Variants in GRID2 observed in about 807,000 individuals in gnomAD.
GRID2 encodes the protein glutamate ionotropic receptor delta type subunit 2.
GRID2 carries 33 observed loss-of-function variants against 114.8 expected under a neutral mutation model. The observed-to-expected ratio is 0.29, with a 90% CI of 0.22 to 0.38. The LOEUF is 0.38. Ranked by LOEUF, GRID2 falls within the 10% of genes least tolerant of loss-of-function variation. GRID2 has a pLI of 1.00. For synonymous variants in GRID2, 505 were observed against 449.9 expected (o/e 1.12, Z -1.55); for missense variants, 1,184 against 1,257.7 (o/e 0.94, Z 0.89).
At chr4:93,060,796 A>G (rs1159696055) in intron 2 of GRID2, among the ~76,000 whole-genome samples, 1 of 152,130 alleles carries the variant, frequency 6.6e-6, no homozygotes, top group Non-Finnish European at 1.5e-5. Flanking sequence ...ATGTTATGCA[A>G]CAGGTGAAAT....
chr4:93,135,581 T>C (rs902333819), intron 4 of GRID2, among the ~76,000 whole-genome samples: 4 of 152,172 alleles, frequency 2.6e-5, no homozygotes, highest in African/African-American at 4.8e-5. Flanking sequence ...TGCTTTCTAG[T>C]TGAAAATTAA....
intron 11 of GRID2, among the ~76,000 whole-genome samples, chr4:93,457,903 T>TTACTAATG (rs570814542): frequency 1.4e-4 from 21 of 152,314 alleles, no homozygotes; most frequent in Admixed American, 1.4e-3. Flanking sequence ...CAAAAGAGTA[T>TTACTAATG]TACTAATGTG....
chr4:93,764,931 A>C (rs1733517256), intron 14 of GRID2, among the ~76,000 whole-genome samples: 1 of 152,132 alleles, frequency 6.6e-6, no homozygotes, highest in Admixed American at 6.5e-5. Context: ...ATTGTCATAC[A>C]TACGCGCACA....
Position 93,726,962 on chromosome 4 carries a change from G to T in GRID2, c.2361-42248G>T, listed in dbSNP as rs184939833. On this transcript the variant is annotated intron_variant, in intron 14 of 15. Transcript: ENST00000282020. The stretch of plus-strand genomic sequence containing the variant: ...ACAATTTGACTTCCTCTTTTCCTAA[G>T]TGAATACCCCTTATTTCCTTCTCCT... Among the ~76,000 whole-genome samples the T allele has an allele frequency of 1.6e-3, 238 of 152,212 alleles. 4 individuals carry two copies. The South Asian group carries it at 0.045, about 29-fold the overall frequency.
At chr4:92,331,000 CT>C (rs1560571208) in intron 1 of GRID2, among the ~76,000 whole-genome samples, 1 of 152,094 alleles carries the variant, frequency 6.6e-6, no homozygotes, top group Non-Finnish European at 1.5e-5. Flanking sequence ...AATTACTACT[CT>C]GTTCAAGGCC....
Position 92,638,279 on chromosome 4 carries a change from A to T in GRID2, c.244+47993A>T, listed in dbSNP as rs78395502. On this transcript the variant is annotated intron_variant, in intron 2 of 15. Coordinates refer to ENST00000282020, the MANE Select transcript of GRID2 (RefSeq NM_001510.4). ...CATGCTAACTCAGTGTAGAAGAGCC[A>T]GAGAACAAACTCTGTAACCAGAAAC... 1.9e-3 allele frequency among the ~76,000 whole-genome samples: 281 copies of T among 151,770 alleles called. 5 individuals carry two copies. In the East Asian group the frequency reaches 0.034, roughly 18 times the overall value.
At chr4:93,008,345 A>T (rs1341651957) in intron 2 of GRID2, among the ~76,000 whole-genome samples, 1 of 152,140 alleles carries the variant, frequency 6.6e-6, no homozygotes, top group Non-Finnish European at 1.5e-5. Flanking sequence ...AACTCTGCTG[A>T]AACAGTATGG....
At position 92,304,337 on chromosome 4, in the gene GRID2, G is replaced by A; in HGVS notation, c.-320G>A. The A allele has an allele frequency of 2.7e-6, 1 of 373,656 alleles. No individual in the cohort carries two copies. Among genetic ancestry groups the A allele is most frequent in the South Asian group, 2.4e-5 (1 of 41,752 alleles). 23.1% of individuals were successfully genotyped at this position (373,656 alleles called of 1,614,324 possible). ...CCGCGCAGCGATGGGTCTGATCTGA[G>A]CCCCAGCCTCTCCCCCTGCCCAAGA... On this transcript the variant is annotated 5_prime_UTR_variant, in exon 1 of 16. Coordinates refer to ENST00000282020, the MANE Select transcript of GRID2 (RefSeq NM_001510.4).
At chr4:93,703,438 T>C (rs1178789555) in intron 14 of GRID2, among the ~76,000 whole-genome samples, 1 of 152,194 alleles carries the variant, frequency 6.6e-6, no homozygotes, top group Non-Finnish European at 1.5e-5. Context: ...TTTTAATGTA[T>C]AATAAGTTAT....
chr4:92,577,769 C>T (rs1279099869), intron 1 of GRID2, among the ~76,000 whole-genome samples: 1 of 151,990 alleles, frequency 6.6e-6, no homozygotes, highest in Non-Finnish European at 1.5e-5. Flanking sequence ...ATGGAATTAC[C>T]ATGGAATTAG....
chr4:93,383,186 G>T (rs1764019819), intron 8 of GRID2, among the ~76,000 whole-genome samples: 1 of 152,126 alleles, frequency 6.6e-6, no homozygotes, highest in Non-Finnish European at 1.5e-5. Context: ...AGAGGGGTAG[G>T]GGTGTGCAAC....
intron 2 of GRID2, among the ~76,000 whole-genome samples, chr4:92,949,182 G>C (rs567940787): frequency 2.0e-5 from 3 of 151,706 alleles, no homozygotes; most frequent in Non-Finnish European, 4.4e-5. Context: ...GAGAGAGAAG[G>C]AGGGAGTATT....
At chr4:93,220,127 G>T (rs553496587) in intron 6 of GRID2, among the ~76,000 whole-genome samples, 1 of 152,104 alleles carries the variant, frequency 6.6e-6, no homozygotes. Context: ...CATATTAAAT[G>T]TTACTATGTA....
intron 10 of GRID2, among the ~76,000 whole-genome samples, chr4:93,447,939 C>G (rs1003349201): frequency 6.6e-6 from 1 of 151,836 alleles, no homozygotes; most frequent in Admixed American, 6.6e-5. Context: ...TCTTAAATGT[C>G]CTTTCATATT....
intron 1 of GRID2, among the ~76,000 whole-genome samples, chr4:92,469,525 T>C (rs922907643): frequency 2.0e-5 from 3 of 152,148 alleles, no homozygotes; most frequent in Non-Finnish European, 4.4e-5. Context: ...ATGTTTTCTA[T>C]TTGTATATTT....
chr4:93,115,160 T>C (rs1007507009), intron 4 of GRID2, among the ~76,000 whole-genome samples: 4 of 151,744 alleles, frequency 2.6e-5, no homozygotes, highest in Non-Finnish European at 5.9e-5. Context: ...CAAATTCTAC[T>C]GAGGCTTTTA....
At chr4:93,434,022 A>G (rs1720830696) in intron 10 of GRID2, among the ~76,000 whole-genome samples, 3 of 152,188 alleles carry the variant, frequency 2.0e-5, no homozygotes. Flanking sequence ...CTGTTGACAC[A>G]TTTAATACCC....
intron 2 of GRID2, among the ~76,000 whole-genome samples, chr4:92,721,677 T>C (rs1735816366): frequency 6.6e-6 from 1 of 152,120 alleles, no homozygotes; most frequent in Admixed American, 6.6e-5. Context: ...TTATAGCATG[T>C]CCTCTGTAAG....
chr4:93,323,700 G>T (rs1009596151), intron 8 of GRID2, among the ~76,000 whole-genome samples: 7 of 152,036 alleles, frequency 4.6e-5, no homozygotes, highest in African/African-American at 9.7e-5. Context: ...TCTTCCATTT[G>T]TTTGTGTCCT....
Sources: allele counts gnomAD v4.1 joint callset (sites outside exome capture counted in the v4.1 genomes callset), GRCh38; gene constraint gnomAD v4.1.1; transcripts MANE v1.5; gene names NCBI Gene and HGNC (gene_info 2026-07-23, HGNC 2026-07-21).